Variants in ACOX3 observed in about 807,000 individuals in gnomAD.
The protein encoded by ACOX3 is acyl-CoA oxidase 3, pristanoyl.
ACOX3 carries 73 observed loss-of-function variants against 81.5 expected under a neutral mutation model. That is an observed-to-expected ratio of 0.90 (90% CI 0.74 to 1.09). ACOX3 has a LOEUF of 1.09. Ranked by LOEUF, ACOX3 falls within the 50% of genes least tolerant of loss-of-function variation. The pLI is 0.00. For missense variants in ACOX3, 947 were observed against 928.0 expected, an observed-to-expected ratio of 1.02 and a Z score of -0.27; for synonymous variants, 387 against 375.1, an observed-to-expected ratio of 1.03 and a Z score of -0.37.
chr4:8,379,515 C>T (rs867059007), intron 14 of ACOX3, among the ~76,000 whole-genome samples: 1 of 152,200 alleles, frequency 6.6e-6, no homozygotes, highest in African/African-American at 2.4e-5. Flanking sequence ...TGGCCTCTGC[C>T]GCAGCCCTCC....
At position 8,406,842 on chromosome 4, in the gene ACOX3, G is replaced by A. The variant is rs557425216; in HGVS notation, c.688-799C>T. ...TGGAACATGAAGGTGGACTAGGAGC[G>A]TGACCACTGAAGCACGGCATCACAG... is the stretch of plus-strand genomic sequence containing the variant. On this transcript the variant is annotated intron_variant, in intron 6 of 17. Transcript: ENST00000356406. This position sits in a 1 kb window ranked among gnomAD's most constrained non-coding sequence, Gnocchi z 5.6. Among the ~76,000 whole-genome samples, 15 of 152,322 alleles carry A rather than the reference G, an allele frequency of 9.8e-5. No individual in the cohort carries two copies. The highest frequency in any genetic ancestry group is 2.9e-4 in the African/African-American group (12 of 41,582).
At chr4:8,393,754 G>A (rs1032821507) in intron 10 of ACOX3, among the ~76,000 whole-genome samples, 8 of 152,122 alleles carry the variant, frequency 5.3e-5, no homozygotes, top group Non-Finnish European at 1.0e-4. Context: ...AAACCACTGA[G>A]TTTCAGAAAG....
rs764385658 is a variant in ACOX3 at position 8,396,973 on chromosome 4, C to T, written c.1020G>A (p.Glu340=). 6.2e-7 allele frequency: 1 copy of T among 1,612,234 alleles called. No homozygotes were observed. Among genetic ancestry groups the T allele is most frequent in the South Asian group, 1.1e-5 (1 of 90,660 alleles). The change falls in exon 9 of 18, where the codon GAG becomes GAA. Residue 340 remains glutamate, a synonymous_variant. Coordinates refer to ENST00000356406, the MANE Select transcript of ACOX3 (RefSeq NM_003501.3). ...SATRRQFGPT[E]EEEIPVLEYP... ...ACTCAAGCACTGGTATTTCCTCCTC[C>T]TCTGTGGGTCCAAACTGACGCCGAG...
At chr4:8,374,044 A>T in intron 15 of ACOX3, 2 of 206,376 alleles carry the variant, frequency 9.7e-6, no homozygotes, top group Non-Finnish European at 2.0e-5. Flanking sequence ...GGGACCACCC[A>T]GGGGAGTTGG....
At position 8,386,127 on chromosome 4, in the gene ACOX3, T is replaced by C. The variant is rs554455437; in HGVS notation, c.1537+3046A>G. The stretch of plus-strand genomic sequence containing the variant: ...GGAAGAGCAGAGCGTGATGGGCACA[T>C]GGAGAAGCTGGCTGTCCCATTTATG... On this transcript the variant is annotated intron_variant, in intron 13 of 17. Coordinates refer to ENST00000356406, the MANE Select transcript of ACOX3 (RefSeq NM_003501.3). This position sits in a 1 kb window ranked among gnomAD's most constrained non-coding sequence, Gnocchi z 5.2. 5.3e-5 allele frequency among the ~76,000 whole-genome samples: 8 copies of C among 152,270 alleles called. No individual in the cohort carries two copies. Among genetic ancestry groups the C allele is most frequent in the African/African-American group, 1.9e-4 (8 of 41,548 alleles).
At chr4:8,373,814 C>A (rs1366986098) in intron 15 of ACOX3, 186 bp from the exon 16 acceptor site, 4 of 614,152 alleles carry the variant, frequency 6.5e-6, no homozygotes, top group Non-Finnish European at 1.2e-5. Flanking sequence ...GGGCCGAGTT[C>A]TGAGACCCTT....
intron 5 of ACOX3, among the ~76,000 whole-genome samples, chr4:8,412,380 C>A (rs1225305304): frequency 2.0e-5 from 3 of 152,218 alleles, no homozygotes; most frequent in Admixed American, 6.5e-5. Flanking sequence ...ACAGTCCACA[C>A]AGCCCAGGCT....
At chr4:8,436,821 A>C (rs1724263380) in intron 1 of ACOX3, among the ~76,000 whole-genome samples, 1 of 140,130 alleles carries the variant, frequency 7.1e-6, no homozygotes, top group Admixed American at 7.0e-5. Context: ...GTCTCTACTA[A>C]AAAAAAAAAA....
chr4:8,396,340 C>T (rs910306351), intron 9 of ACOX3, among the ~76,000 whole-genome samples: 8 of 152,236 alleles, frequency 5.3e-5, no homozygotes, highest in South Asian at 2.1e-4. Context: ...CTCACCTGAA[C>T]GTGCGGCCGT....
At position 8,431,381 on chromosome 4, in the gene ACOX3, C is replaced by T. The variant is rs140487672; in HGVS notation, c.-15+9267G>A. Among the ~76,000 whole-genome samples, 457 of 152,314 alleles carry T rather than the reference C, an allele frequency of 3.0e-3. 7 individuals are homozygous for T. Among genetic ancestry groups the T allele is most frequent in the Admixed American group, 0.021 (315 of 15,306 alleles). On this transcript the variant is annotated intron_variant, in intron 1 of 17. Coordinates refer to ENST00000356406, the MANE Select transcript of ACOX3 (RefSeq NM_003501.3). The surrounding 1 kb of genome is among the most constrained non-coding windows in gnomAD (Gnocchi z 5.3). ...CCACCTTCTGGCATTTGCCTGCTCACGCTGTAGCACTCTCCATCCACCGTG... is the reference window on the plus strand; with the variant it reads ...CCACCTTCTGGCATTTGCCTGCTCATGCTGTAGCACTCTCCATCCACCGTG...
rs1046110474 is a variant in ACOX3, at chr4:8,423,491, G to T, written c.-14-6956C>A. On this transcript the variant is annotated intron_variant, in intron 1 of 17. Transcript: ENST00000356406. The surrounding 1 kb of genome is among the most constrained non-coding windows in gnomAD (Gnocchi z 4.2). ...CCTCTTAGACCCGAGGCCCAACAAG[G>T]ACTCCAAAAGATTGTTAAGGACCTA... Among the ~76,000 whole-genome samples, 1 of 152,094 alleles carries T rather than the reference G, an allele frequency of 6.6e-6. No homozygotes were observed. Among genetic ancestry groups the T allele is most frequent in the Non-Finnish European group, 1.5e-5 (1 of 68,030 alleles).
At chr4:8,408,850 T>C (rs1353667545) in intron 6 of ACOX3, among the ~76,000 whole-genome samples, 2 of 124,242 alleles carry the variant, frequency 1.6e-5, no homozygotes, top group African/African-American at 3.1e-5. Context: ...GCCATTGGCA[T>C]CCAAAGGGTT....
Position 8,389,519 on chromosome 4 carries a change from A to G in ACOX3, c.1423+93T>C. On this transcript the variant is annotated intron_variant, in intron 12 of 17. Transcript: ENST00000356406. This position sits in a 1 kb window ranked among gnomAD's most constrained non-coding sequence, Gnocchi z 5.3. ...CTTTCCTTCTGCAAACCTAGGATGC[A>G]TTCACAGAACAGCTGAATCAGTGAG... 1 of 1,574,242 alleles carries G rather than the reference A, an allele frequency of 6.4e-7. No individual in the cohort carries two copies. The highest frequency in any genetic ancestry group is 8.7e-7 in the Non-Finnish European group (1 of 1,153,054).
intron 15 of ACOX3, chr4:8,374,720 T>C (rs1716698852): frequency 1.1e-5 from 4 of 376,562 alleles, no homozygotes; most frequent in Non-Finnish European, 1.9e-5. Flanking sequence ...CTGCCTGGCA[T>C]GAGGGGGCCT....
chr4:8,361,425 C>CCAAAAA (rs1560158854), downstream of ACOX3, among the ~76,000 whole-genome samples: 1 of 39,034 alleles, frequency 2.6e-5, no homozygotes, highest in Non-Finnish European at 4.2e-5. Flanking sequence ...GACTCTATCT[C>CCAAAAA]AAAAAAAAAA....
intron 14 of ACOX3, among the ~76,000 whole-genome samples, chr4:8,378,950 A>T (rs1321102162): frequency 6.6e-6 from 1 of 152,144 alleles, no homozygotes; most frequent in African/African-American, 2.4e-5. Flanking sequence ...TGCCTGTGGA[A>T]GTGTGGCTTT....
At chr4:8,398,153 A>G (rs1174318850) in intron 8 of ACOX3, among the ~76,000 whole-genome samples, 1 of 152,144 alleles carries the variant, frequency 6.6e-6, no homozygotes, top group Non-Finnish European at 1.5e-5. Flanking sequence ...GTGACAGAGC[A>G]ACACTCCACC....
chr4:8,360,229 T>C, the ACOX3 span, among the ~76,000 whole-genome samples: 2 of 152,258 alleles, frequency 1.3e-5, no homozygotes, highest in African/African-American at 4.8e-5. Context: ...ATGTGTGTGA[T>C]GTTTATGAAT....
intron 1 of ACOX3, among the ~76,000 whole-genome samples, chr4:8,420,798 C>T (rs1319353198): frequency 4.6e-5 from 7 of 152,218 alleles, no homozygotes; most frequent in East Asian, 1.9e-4. Flanking sequence ...TCCACCCCTC[C>T]GGATCCAGCA....
Sources: gnomAD v4.1 joint callset for allele counts (sites outside exome capture counted in the v4.1 genomes callset) on GRCh38, gnomAD v4.1.1 for gene constraint, Gnocchi (gnomAD v3.1) non-coding constraint, MANE v1.5 for transcripts, NCBI Gene and HGNC (gene_info 2026-07-23, HGNC 2026-07-21) for gene names.